The following PITPNC1 variants were observed in gnomAD, a reference collection of about 807,000 sequenced individuals.
The protein encoded by PITPNC1 is phosphatidylinositol transfer protein cytoplasmic 1.
PITPNC1 carries 18 observed loss-of-function variants against 44.7 expected under a neutral mutation model. The ratio of observed to expected loss-of-function variants is 0.40; its 90% confidence interval spans 0.28 to 0.60. The LOEUF (loss-of-function observed/expected upper bound fraction) is 0.60. PITPNC1 is among the 20% of genes least tolerant of loss of function. PITPNC1 has a pLI of 0.39. For synonymous variants in PITPNC1, 141 were observed against 149.6 expected, an observed-to-expected ratio of 0.94 and a Z score of 0.42; for missense variants, 290 against 418.4, an observed-to-expected ratio of 0.69 and a Z score of 2.68.
At chr17:67,570,994 C>T (rs1244679806) in intron 4 of PITPNC1, among the ~76,000 whole-genome samples, 4 of 152,186 alleles carry the variant, frequency 2.6e-5, no homozygotes, top group African/African-American at 9.7e-5. Flanking sequence ...CCTTCCCTTG[C>T]ACTTGCTTGA....
At chr17:67,549,937 T>A (rs1156957849) in intron 2 of PITPNC1, among the ~76,000 whole-genome samples, 1 of 152,132 alleles carries the variant, frequency 6.6e-6, no homozygotes, top group Non-Finnish European at 1.5e-5. Context: ...CTTCCCACAC[T>A]ACCATTGGCA....
Position 67,470,686 on chromosome 17 carries a change from C to G in PITPNC1, c.49-62116C>G, listed in dbSNP as rs568249313. ...GAGGAGCCCCTCTGCCCGGCCACCA[C>G]CCCGTCTGGGAGGTGTACCCAACAG... On this transcript the variant is annotated intron_variant, in intron 1 of 8. Coordinates refer to ENST00000581322, the MANE Select transcript of PITPNC1 (RefSeq NM_012417.4). Among the ~76,000 whole-genome samples, 1,331 of 152,304 alleles carry G rather than the reference C, an allele frequency of 8.7e-3. 9 individuals are homozygous for G. The highest frequency in any genetic ancestry group is 0.012 in the Non-Finnish European group (831 of 68,010).
intron 1 of PITPNC1, among the ~76,000 whole-genome samples, chr17:67,476,620 A>G (rs1176751139): frequency 1.4e-4 from 21 of 151,734 alleles, no homozygotes; most frequent in Admixed American, 1.4e-3. Context: ...GGTTGGCTTC[A>G]CTCTCAGATA....
chr17:67,481,152 C>A (rs906463500), intron 1 of PITPNC1, among the ~76,000 whole-genome samples: 5 of 152,170 alleles, frequency 3.3e-5, no homozygotes, highest in African/African-American at 9.6e-5. Flanking sequence ...GGTTGCAGTG[C>A]GCTGAGATCG....
intron 6 of PITPNC1, among the ~76,000 whole-genome samples, chr17:67,634,482 G>C (rs2042008812): frequency 6.6e-6 from 1 of 152,120 alleles, no homozygotes; most frequent in African/African-American, 2.4e-5. Context: ...CTTGAACCTG[G>C]GAAGTGGAGG....
At chr17:67,530,745 A>G (rs970272616) in intron 1 of PITPNC1, among the ~76,000 whole-genome samples, 14 of 152,188 alleles carry the variant, frequency 9.2e-5, no homozygotes, top group African/African-American at 3.4e-4. Flanking sequence ...ACTGTCAGTG[A>G]AATCTCCACC....
At position 67,554,557 on chromosome 17, in the gene PITPNC1, TA is replaced by T. The variant is rs368039065; in HGVS notation, c.294+942del. Reference sequence around the variant, plus strand: ...ACAGGTGTGAGCCACCACACCTGGCTAATAGTTATGATTTTCTGAGCTGTGT... The same window carrying T: ...ACAGGTGTGAGCCACCACACCTGGCTATAGTTATGATTTTCTGAGCTGTGT... On this transcript the variant is annotated intron_variant, in intron 4 of 8. Coordinates refer to ENST00000581322, the MANE Select transcript of PITPNC1 (RefSeq NM_012417.4). 3.2e-3 allele frequency among the ~76,000 whole-genome samples: 485 copies of T among 152,220 alleles called. 3 individuals carry two copies. The highest frequency in any genetic ancestry group is 0.01 in the African/African-American group (420 of 41,534).
In PITPNC1 at chr17:67,695,523, G is replaced by A. The variant is rs1048536645; in HGVS notation, c.*2635G>A. ...CTTGAATTTGCTAAGCATGTTTGGG[G>A]GGAAATAGAATCCTTAACTCAGTGC... On this transcript the variant is annotated 3_prime_UTR_variant, in exon 9 of 9. Transcript: ENST00000581322. The A allele has an allele frequency of 7.3e-5, 11 of 151,274 alleles. No homozygotes were observed. Among genetic ancestry groups the A allele is most frequent in the African/African-American group, 2.7e-4 (11 of 41,310 alleles). 9.4% of individuals were successfully genotyped at this position (151,274 alleles called of 1,614,324 possible).
intron 5 of PITPNC1, among the ~76,000 whole-genome samples, chr17:67,627,438 C>T (rs2041909623): frequency 6.6e-6 from 1 of 152,220 alleles, no homozygotes; most frequent in African/African-American, 2.4e-5. Flanking sequence ...ATTAGGCACG[C>T]TGTTAATGAA....
At chr17:67,675,935 A>G (rs1370652786) in intron 8 of PITPNC1, among the ~76,000 whole-genome samples, 2 of 152,196 alleles carry the variant, frequency 1.3e-5, no homozygotes, top group Non-Finnish European at 2.9e-5. Flanking sequence ...TGCCGGGCGC[A>G]GTGGCTCACG....
intron 1 of PITPNC1, among the ~76,000 whole-genome samples, chr17:67,507,409 G>T (rs954271204): frequency 6.6e-6 from 1 of 152,088 alleles, no homozygotes; most frequent in Non-Finnish European, 1.5e-5. Flanking sequence ...GTCTGGGCAC[G>T]CATGGTGGCT....
In PITPNC1 at chr17:67,647,457, ATTTTGGGTTTTTTTTTTTT is replaced by A. The variant is rs1326679177; in HGVS notation, c.462+15224_462+15242del. On this transcript the variant is annotated intron_variant, in intron 6 of 8. Transcript: ENST00000581322. ...AGGTGCACACCATCACACCCAGCTA[ATTTTGGGTTTTTTTTTTTT>A]TTTTTTTTTTTTTTTTTGTAGAGAC... Among the ~76,000 whole-genome samples, 180 of 94,022 alleles carry A rather than the reference ATTTTGGGTTTTTTTTTTTT, an allele frequency of 1.9e-3. 1 individual carries two copies. The highest frequency in any genetic ancestry group is 7.7e-3 in the African/African-American group (169 of 21,894). 61.7% of individuals were successfully genotyped at this position (94,022 alleles called of 152,430 possible). A position where few individuals can be genotyped will look rare whatever the true frequency, so the allele number is the denominator to read the frequency against.
chr17:67,406,586 A>G (rs2038404279), intron 1 of PITPNC1, among the ~76,000 whole-genome samples: 1 of 126,458 alleles, frequency 7.9e-6, no homozygotes, highest in South Asian at 2.5e-4. Flanking sequence ...TATATATTAT[A>G]TATAGTTTTT....
chr17:67,691,389 T>C (rs1343213867), intron 8 of PITPNC1, among the ~76,000 whole-genome samples: 2 of 152,226 alleles, frequency 1.3e-5, no homozygotes, highest in African/African-American at 4.8e-5. Flanking sequence ...TATCCAACAA[T>C]GATTATTAAC....
chr17:67,388,590 G>A (rs1339704559), intron 1 of PITPNC1, among the ~76,000 whole-genome samples: 2 of 150,916 alleles, frequency 1.3e-5, no homozygotes, highest in Non-Finnish European at 2.9e-5. Context: ...AAAGTGTTGG[G>A]ATTACAGGCA....
intron 1 of PITPNC1, among the ~76,000 whole-genome samples, chr17:67,405,536 C>T (rs892870272): frequency 6.6e-6 from 1 of 151,916 alleles, no homozygotes; most frequent in African/African-American, 2.4e-5. Flanking sequence ...AATCAATTTA[C>T]CCATAAATCT....
At chr17:67,619,709 T>C (rs1358528670) in intron 5 of PITPNC1, among the ~76,000 whole-genome samples, 1 of 151,982 alleles carries the variant, frequency 6.6e-6, no homozygotes, top group African/African-American at 2.4e-5. Context: ...CTGAGAGCTT[T>C]CTCCTCCCCT....
rs111253354 is a variant in PITPNC1 at position 67,503,907 on chromosome 17, C to G, written c.49-28895C>G. On this transcript the variant is annotated intron_variant, in intron 1 of 8. Coordinates refer to ENST00000581322, the MANE Select transcript of PITPNC1 (RefSeq NM_012417.4). The stretch of plus-strand genomic sequence containing the variant: ...AGTGACCAGAAGTGATTGTTTCCTT[C>G]TTTGGCATTTCTGTCTTCCTCTTTT... Among the ~76,000 whole-genome samples, 41 of 152,306 alleles carry G rather than the reference C, an allele frequency of 2.7e-4. 1 individual carries two copies. Among genetic ancestry groups the G allele is most frequent in the African/African-American group, 9.1e-4 (38 of 41,572 alleles).
intron 1 of PITPNC1, among the ~76,000 whole-genome samples, chr17:67,446,701 C>T (rs566229835): frequency 6.6e-6 from 1 of 151,960 alleles, no homozygotes; most frequent in African/African-American, 2.4e-5. Context: ...ATAAGCCTCT[C>T]TGGGTCCATT....
Sources: gnomAD v4.1 joint callset for allele counts (sites outside exome capture counted in the v4.1 genomes callset) on GRCh38, gnomAD v4.1.1 for gene constraint, MANE v1.5 for transcripts, NCBI Gene and HGNC (gene_info 2026-07-23, HGNC 2026-07-21) for gene names.